TTC7A: variants seen among roughly 807,000 people sequenced by gnomAD.
TTC7A encodes the protein tetratricopeptide repeat protein 7A.
TTC7A carries 110 observed loss-of-function variants against 103.7 expected under a neutral mutation model. That is an observed-to-expected ratio of 1.06 (90% CI 0.91 to 1.24). The LOEUF (loss-of-function observed/expected upper bound fraction) is 1.24, where lower values mean the gene tolerates loss of function less well. TTC7A is among the 50% of genes most tolerant of loss of function. The pLI, the probability that TTC7A is intolerant of heterozygous loss-of-function variation, is 0.00. For missense variants in TTC7A, 1,340 were observed against 1,116.3 expected, an observed-to-expected ratio of 1.20 and a Z score of -2.86; for synonymous variants, 521 against 467.9, an observed-to-expected ratio of 1.11 and a Z score of -1.47.
intron 2 of TTC7A, among the ~76,000 whole-genome samples, chr2:46,924,214 A>AG: frequency 6.6e-6 from 1 of 151,684 alleles, no homozygotes; most frequent in East Asian, 1.9e-4. Context: ...TTTAAAAAAA[A>AG]AAAAAACCCA....
intron 15 of TTC7A, among the ~76,000 whole-genome samples, chr2:47,039,365 C>T (rs1681489746): frequency 1.3e-5 from 2 of 152,322 alleles, no homozygotes; most frequent in African/African-American, 4.8e-5. Flanking sequence ...TTCCGTGCAG[C>T]CAGCTCTGCT....
rs779782772 is a variant in TTC7A at position 47,024,318 on chromosome 2, G to A, written c.1600G>A (p.Val534Ile). ...GCAGCTGGCGCCCAGTGACCCCCAGGTCATCCTCTATGTCTCGCTGCAGCT... is the reference window on the plus strand; with the variant it reads ...GCAGCTGGCGCCCAGTGACCCCCAGATCATCCTCTATGTCTCGCTGCAGCT... ...AQQLAPSDPQ[V>I]ILYVSLQLAL... is the part of the protein sequence containing the mutation. Residue 534 changes from valine to isoleucine, a missense_variant, in exon 14 of 20, where the codon GTC becomes ATC. By Grantham distance (29) the Val-to-Ile change is conservative. Transcript: ENST00000319190. 1.9e-5 allele frequency: 30 copies of A among 1,609,606 alleles called. No homozygotes were observed. The South Asian group carries it at 2.9e-4, about 15-fold the overall frequency.
chr2:46,931,931 G>T (rs1012104231), intron 2 of TTC7A, among the ~76,000 whole-genome samples: 1 of 152,142 alleles, frequency 6.6e-6, no homozygotes, highest in Non-Finnish European at 1.5e-5. Context: ...GTTGATTCCA[G>T]AAATGTGAGG....
At chr2:46,958,858 A>T (rs1445561641) in intron 3 of TTC7A, among the ~76,000 whole-genome samples, 1 of 152,144 alleles carries the variant, frequency 6.6e-6, no homozygotes, top group Non-Finnish European at 1.5e-5. Flanking sequence ...GACGCTGGTC[A>T]TTGGTCCTGA....
At chr2:47,056,278 G>C (rs1241499663) in intron 18 of TTC7A, among the ~76,000 whole-genome samples, 1 of 152,142 alleles carries the variant, frequency 6.6e-6, no homozygotes, top group Non-Finnish European at 1.5e-5. Context: ...TATTTCCTTT[G>C]GGTCACCCAA....
intron 7 of TTC7A, among the ~76,000 whole-genome samples, chr2:46,994,764 A>T (rs1324795288): frequency 6.6e-6 from 1 of 152,220 alleles, no homozygotes; most frequent in Non-Finnish European, 1.5e-5. Context: ...CTGTCTTCCC[A>T]GTAGTCTTGT....
Position 47,074,160 on chromosome 2 carries a change from T to A in TTC7A, c.*237T>A. ...TGAACCCTAAGTGCCTTTGGAGAGT[T>A]TTGTGGTGACCAGACTTGCTCCCCA... On this transcript the variant is annotated 3_prime_UTR_variant, in exon 20 of 20. Transcript: ENST00000319190. The A allele has an allele frequency of 1.8e-6, 1 of 559,034 alleles. No homozygotes were observed. Among genetic ancestry groups the A allele is most frequent in the Non-Finnish European group, 3.2e-6 (1 of 311,946 alleles). The allele number at this position is 559,034 out of a possible 1,614,324, so 34.6% of individuals were successfully genotyped here. A position where few individuals can be genotyped will look rare whatever the true frequency, so the allele number is the denominator to read the frequency against.
intron 19 of TTC7A, among the ~76,000 whole-genome samples, chr2:47,063,150 A>ATC (rs1375391826): frequency 6.6e-6 from 1 of 152,218 alleles, no homozygotes; most frequent in Non-Finnish European, 1.5e-5. Context: ...GACATCTGGG[A>ATC]TCTAATCCTG....
intron 5 of TTC7A, among the ~76,000 whole-genome samples, chr2:46,983,446 G>A (rs958847524): frequency 2.0e-5 from 3 of 152,168 alleles, no homozygotes; most frequent in African/African-American, 4.8e-5. Context: ...ACTCCCCCAC[G>A]GCTGCTGCTT....
intron 15 of TTC7A, 128 bp downstream of exon 15, chr2:47,029,512 C>A: frequency 9.3e-7 from 1 of 1,070,908 alleles, no homozygotes; most frequent in Non-Finnish European, 1.4e-6. Flanking sequence ...CATGCACAAT[C>A]CCTGGTGGAG....
intron 11 of TTC7A, among the ~76,000 whole-genome samples, chr2:47,013,949 C>T (rs1417282842): frequency 2.0e-5 from 3 of 152,182 alleles, no homozygotes; most frequent in Non-Finnish European, 2.9e-5. Flanking sequence ...GGGCTCCTGG[C>T]AACCTTCCCT....
chr2:46,964,547 CTCTG>C (rs1375022131), intron 3 of TTC7A, among the ~76,000 whole-genome samples: 2 of 152,198 alleles, frequency 1.3e-5, no homozygotes, highest in Admixed American at 6.5e-5. Flanking sequence ...TGGTTCAGCA[CTCTG>C]TCTGGGGCAA....
chr2:47,046,423 C>G lies in TTC7A; in HGVS notation c.1911C>G (p.Ser637=), dbSNP rs1682326146. Residue 637 remains serine, a synonymous_variant, in exon 16 of 20, where the codon TCC becomes TCG. Coordinates refer to ENST00000319190, the MANE Select transcript of TTC7A (RefSeq NM_020458.4). ...LRLWQTLYSF[S]QLGGLEKDGS... The stretch of plus-strand genomic sequence containing the variant: ...TGTGGCAGACCCTGTACAGCTTCTC[C>G]CAGCTGGGGTGAGTGGCCGTCATTG... 6.2e-7 allele frequency: 1 copy of G among 1,613,880 alleles called. No homozygotes were observed.
Position 47,006,637 on chromosome 2 carries a change from C to G in TTC7A, c.1204-4C>G, listed in dbSNP as rs777846091. 1.9e-6 allele frequency: 3 copies of G among 1,613,660 alleles called. No homozygotes were observed. Among genetic ancestry groups the G allele is most frequent in the Non-Finnish European group, 2.5e-6 (3 of 1,179,548 alleles). ...GGTAAATGCTGACTATCTCCCCTCCCCAGTGCCTGGAGCGAGCCATGAAGT... is the reference window on the plus strand; with the variant it reads ...GGTAAATGCTGACTATCTCCCCTCCGCAGTGCCTGGAGCGAGCCATGAAGT... On this transcript the variant is annotated splice_region_variant and splice_polypyrimidine_tract_variant and intron_variant, in intron 9 of 19. Coordinates refer to ENST00000319190, the MANE Select transcript of TTC7A (RefSeq NM_020458.4).
intron 19 of TTC7A, among the ~76,000 whole-genome samples, chr2:47,064,536 C>A (rs1684034732): frequency 6.6e-6 from 1 of 152,220 alleles, no homozygotes; most frequent in East Asian, 1.9e-4. Flanking sequence ...TCAGAGAGGG[C>A]TTCAAGGCTT....
chr2:47,040,069 G>C (rs1316255238), intron 15 of TTC7A, among the ~76,000 whole-genome samples: 1 of 152,210 alleles, frequency 6.6e-6, no homozygotes, highest in East Asian at 1.9e-4. Flanking sequence ...CAGTGGTTAG[G>C]ATGGTGGGTG....
chr2:47,023,136 G>A (rs543703193), intron 12 of TTC7A, among the ~76,000 whole-genome samples: 23 of 152,360 alleles, frequency 1.5e-4, no homozygotes, highest in African/African-American at 5.5e-4. Flanking sequence ...TGGGTGGGGT[G>A]CCCATGTCGT....
intron 3 of TTC7A, among the ~76,000 whole-genome samples, chr2:46,960,312 A>G (rs11680492): frequency 0.71 from 108,350 of 152,154 alleles, 38,710 homozygotes; most frequent in Middle Eastern, 0.76. Context: ...ATGGCCCTGG[A>G]CAGAGCCTCC....
chr2:46,999,820 C>T (rs945178846), intron 8 of TTC7A: 2 of 985,330 alleles, frequency 2.0e-6, no homozygotes, highest in African/African-American at 1.7e-5. Context: ...CTGTTTCATT[C>T]AGCTGGCGAA....
Sources: gnomAD v4.1 joint callset for allele counts (sites outside exome capture counted in the v4.1 genomes callset) on GRCh38, gnomAD v4.1.1 for gene constraint, MANE v1.5 for transcripts, NCBI Gene and HGNC (gene_info 2026-07-23, HGNC 2026-07-21) for gene names.